KLHL32: variants seen among roughly 807,000 people sequenced by gnomAD.
KLHL32 encodes the protein kelch-like protein 32.
KLHL32 carries 35 observed loss-of-function variants against 64.8 expected under a neutral mutation model. That is an observed-to-expected ratio of 0.54 (90% confidence interval 0.41 to 0.72). KLHL32 has a LOEUF of 0.72. KLHL32 is among the 30% of genes least tolerant of loss of function. The probability of loss-of-function intolerance (pLI) is 0.00; values close to 1 mark genes in which losing one functional copy is unlikely to be tolerated. For missense variants in KLHL32, 589 were observed against 768.5 expected (o/e 0.77, Z 2.76); for synonymous variants, 259 against 281.0 (o/e 0.92, Z 0.78).
intron 1 of KLHL32, among the ~76,000 whole-genome samples, chr6:96,953,353 A>G (rs1359069492): frequency 1.3e-5 from 2 of 152,152 alleles, no homozygotes; most frequent in South Asian, 4.1e-4. Context: ...TTTCTTGCCA[A>G]GCTTGTTGGC....
rs1800412590 is a variant in KLHL32, at chr6:97,139,205, T to G, written c.1786T>G (p.Phe596Val). 6.2e-7 allele frequency: 1 copy of G among 1,613,746 alleles called. No individual in the cohort carries two copies. Among genetic ancestry groups the G allele is most frequent in the Non-Finnish European group, 8.5e-7 (1 of 1,179,752 alleles). Reference sequence around the variant, plus strand: ...TGCTTCCAATGGAATAGCAGCATGCTTCCTTCCAGCTCCATATTTTACATG... The same window carrying G: ...TGCTTCCAATGGAATAGCAGCATGCGTCCTTCCAGCTCCATATTTTACATG... The part of the protein sequence containing the change: ...PFASNGIAAC[F>V]LPAPYFTCPN... The change falls in exon 11 of 11, where the codon TTC (phenylalanine) becomes GTC (valine). Residue 596 changes from phenylalanine to valine, a missense_variant. Physicochemically the swap from Phe to Val is conservative, Grantham distance 50. Transcript: ENST00000369261.
chr6:97,016,240 T>A (rs1161707038), intron 3 of KLHL32, among the ~76,000 whole-genome samples: 2 of 152,174 alleles, frequency 1.3e-5, no homozygotes, highest in South Asian at 4.1e-4. Flanking sequence ...CAGCTTGCAC[T>A]GTGTGCCTCG....
At position 96,976,189 on chromosome 6, in the gene KLHL32, T is replaced by A. The variant is rs1775669619; in HGVS notation, c.204+12T>A. On this transcript the variant is annotated intron_variant, in intron 3 of 10. Coordinates refer to ENST00000369261, the MANE Select transcript of KLHL32 (RefSeq NM_052904.4). ...GTGACTATTTCCGGGTAAGTCAGCA[T>A]TGTTTGTTTCTCGTAAAATATTGAT... 1 of 1,529,302 alleles carries A rather than the reference T, an allele frequency of 6.5e-7. No individual in the cohort carries two copies. Among genetic ancestry groups the A allele is most frequent in the African/African-American group, 1.4e-5 (1 of 72,166 alleles). 94.7% of individuals were successfully genotyped at this position (1,529,302 alleles called of 1,614,324 possible).
chr6:97,127,026 GA>G (rs1798944247), intron 7 of KLHL32, among the ~76,000 whole-genome samples: 1 of 152,150 alleles, frequency 6.6e-6, no homozygotes, highest in Non-Finnish European at 1.5e-5. Context: ...ACAATTTAGT[GA>G]AGGACAAGAA....
At chr6:97,080,211 G>GGATA (rs1264479145) in intron 5 of KLHL32, among the ~76,000 whole-genome samples, 6 of 152,128 alleles carry the variant, frequency 3.9e-5, no homozygotes, top group African/African-American at 1.4e-4. Context: ...AAAACAGGAT[G>GGATA]ACCACTGGCT....
the KLHL32 span, among the ~76,000 whole-genome samples, chr6:96,911,824 C>CTTTT: frequency 2.6e-3 from 141 of 54,078 alleles, 33 homozygotes; most frequent in African/African-American, 9.2e-3. Context: ...CTCGGTCCTT[C>CTTTT]TTTTTTTTTT....
At chr6:97,103,153 C>G (rs139752388) in intron 6 of KLHL32, among the ~76,000 whole-genome samples, 7 of 150,602 alleles carry the variant, frequency 4.6e-5, no homozygotes, top group Non-Finnish European at 1.0e-4. Context: ...GGGAATGGTA[C>G]ATTTAAAGAC....
At chr6:97,041,894 G>A (rs1766483) in intron 4 of KLHL32, among the ~76,000 whole-genome samples, 26,037 of 151,728 alleles carry the variant, frequency 0.17, 2,584 homozygotes, top group African/African-American at 0.29. Context: ...CAAGATAATG[G>A]ATTCTCATTG....
the KLHL32 span, among the ~76,000 whole-genome samples, chr6:96,909,299 A>G: frequency 1.3e-5 from 2 of 152,214 alleles, no homozygotes; most frequent in African/African-American, 2.4e-5. Flanking sequence ...CACTTCTGTC[A>G]ACTCCTAAAA....
upstream of KLHL32, among the ~76,000 whole-genome samples, chr6:96,923,110 A>C (rs988310950): frequency 4.6e-5 from 7 of 152,204 alleles, no homozygotes; most frequent in Admixed American, 2.0e-4. Context: ...GGTGGTGTAA[A>C]TATTCTTTTC....
intron 3 of KLHL32, among the ~76,000 whole-genome samples, chr6:97,005,800 C>G (rs1779594837): frequency 6.6e-6 from 1 of 152,038 alleles, no homozygotes; most frequent in Non-Finnish European, 1.5e-5. Flanking sequence ...GAGAGATTTT[C>G]TTAGTATTAA....
At chr6:97,051,506 T>TG (rs1375979858) in intron 4 of KLHL32, among the ~76,000 whole-genome samples, 1 of 152,350 alleles carries the variant, frequency 6.6e-6, no homozygotes, top group East Asian at 1.9e-4. Context: ...TGCACTTCTG[T>TG]GCACCTGTTT....
chr6:96,959,030 A>G lies in KLHL32; in HGVS notation c.-65-7966A>G, dbSNP rs116008848. ...TGTTCTGGTAAAACAAGCAAATTAT[A>G]TGCCTGGGTGTTGAAAGCAACTTCC... On this transcript the variant is annotated intron_variant, in intron 1 of 10. Transcript: ENST00000369261. Among the ~76,000 whole-genome samples, 759 of 152,272 alleles carry G rather than the reference A, an allele frequency of 5.0e-3. 6 individuals are homozygous for G. The highest frequency in any genetic ancestry group is 0.017 in the African/African-American group (706 of 41,546).
At chr6:96,928,896 T>C (rs1769500829) in intron 1 of KLHL32, among the ~76,000 whole-genome samples, 1 of 152,246 alleles carries the variant, frequency 6.6e-6, no homozygotes. Context: ...TGAAGTCTTA[T>C]ATGTTTGGGA....
At chr6:96,976,551 T>A (rs541436925) in intron 3 of KLHL32, among the ~76,000 whole-genome samples, 1 of 152,294 alleles carries the variant, frequency 6.6e-6, no homozygotes, top group Admixed American at 6.5e-5. Context: ...TTAAAAGTCT[T>A]TAAGTATATG....
intron 3 of KLHL32, among the ~76,000 whole-genome samples, chr6:97,013,128 C>T (rs553542760): frequency 5.5e-4 from 84 of 152,268 alleles, no homozygotes; most frequent in Middle Eastern, 3.4e-3. Context: ...AGTAAATGCT[C>T]TTAAAATAAT....
At chr6:96,918,825 A>T in the KLHL32 span, among the ~76,000 whole-genome samples, 1 of 152,364 alleles carries the variant, frequency 6.6e-6, no homozygotes, top group African/African-American at 2.4e-5. Context: ...TGAAGCAGTA[A>T]TGGGGCAGGA....
chr6:97,088,737 T>C (rs1730634864), intron 6 of KLHL32, among the ~76,000 whole-genome samples: 1 of 152,196 alleles, frequency 6.6e-6, no homozygotes, highest in South Asian at 2.1e-4. Context: ...GTCAATAAAA[T>C]ATTTTTAAAT....
chr6:96,916,429 G>T, the KLHL32 span, among the ~76,000 whole-genome samples: 1 of 152,172 alleles, frequency 6.6e-6, no homozygotes, highest in Non-Finnish European at 1.5e-5. Flanking sequence ...TGAGTCTGTA[G>T]GAACAAACCT....
Sources: allele counts gnomAD v4.1 joint callset (sites outside exome capture counted in the v4.1 genomes callset), GRCh38; gene constraint gnomAD v4.1.1; transcripts MANE v1.5; gene names NCBI Gene and HGNC (gene_info 2026-07-23, HGNC 2026-07-21).